The following ADNP variants were observed in gnomAD, a reference collection of about 807,000 sequenced individuals.
The protein encoded by ADNP is activity dependent neuroprotector homeobox.
In ADNP, 4 loss-of-function variants were observed where a neutral mutation model predicts 84.9. That is an observed-to-expected ratio of 0.05 (90% CI 0.02 to 0.11). The LOEUF (loss-of-function observed/expected upper bound fraction) is 0.11, where lower values mean the gene tolerates loss of function less well. ADNP is among the 10% of genes least tolerant of loss of function. ADNP has a pLI of 1.00. For missense variants in ADNP, 1,132 were observed against 1,326.0 expected, an observed-to-expected ratio of 0.85 and a Z score of 2.27; for synonymous variants, 554 against 468.1, an observed-to-expected ratio of 1.18 and a Z score of -2.37.
At chr20:50,899,510 G>A (rs553720148) in intron 5 of ADNP, among the ~76,000 whole-genome samples, 7 of 152,066 alleles carry the variant, frequency 4.6e-5, no homozygotes, top group South Asian at 2.1e-4. Context: ...GCGCCCGGCC[G>A]GTAATGAGTT....
chr20:50,907,379 TCCTC>T (rs150286734), intron 2 of ADNP, among the ~76,000 whole-genome samples: 24,665 of 148,338 alleles, frequency 0.17, 2,644 homozygotes, highest in Non-Finnish European at 0.24. Context: ...CAATTCTCCT[TCCTC>T]AACCTCCTGA....
intron 5 of ADNP, among the ~76,000 whole-genome samples, chr20:50,897,952 G>C (rs114529504): frequency 0.03 from 4,621 of 152,220 alleles, 246 homozygotes; most frequent in African/African-American, 0.11. Context: ...TGTGTGTATT[G>C]ATATGCTTGA....
Position 50,891,720 on chromosome 20 carries a change from G to C in ADNP, c.2994C>G (p.Asp998Glu). Reference protein sequence around the residue: ...TCEMKPGTWSDESSQSEDARS... With the variant: ...TCEMKPGTWSEESSQSEDARS... The stretch of plus-strand genomic sequence containing the variant: ...TTGCATCTTCGCTTTGGGAAGACTC[G>C]TCAGACCAGGTTCCTGGTTTCATTT... The change falls in exon 6 of 6, where the codon GAC becomes GAG. Residue 998 changes from aspartate (D) to glutamate (E), a missense_variant. This residue lies in a region of ADNP where 381 missense variants were observed against 319.9 expected (regional missense o/e 1.19). Coordinates refer to ENST00000621696, the MANE Select transcript of ADNP (RefSeq NM_001282531.3). 2 of 1,614,084 alleles carry C rather than the reference G, an allele frequency of 1.2e-6. No homozygotes were observed. The highest frequency in any genetic ancestry group is 1.7e-6 in the Non-Finnish European group (2 of 1,180,018).
rs184461059 is a variant in ADNP at position 50,908,572 on chromosome 20, A to G, written c.-89-3723T>C. ...GGCGAGTCACGAGGTCAGGAGATCG[A>G]GACCATCCTGGCTAACATGGTGAAA... On this transcript the variant is annotated intron_variant, in intron 2 of 5. Coordinates refer to ENST00000621696, the MANE Select transcript of ADNP (RefSeq NM_001282531.3). Among the ~76,000 whole-genome samples the G allele has an allele frequency of 3.8e-4, 58 of 152,042 alleles. No homozygotes were observed. In the East Asian group the frequency reaches 0.01, roughly 27 times the overall value.
In ADNP at chr20:50,891,433, C is replaced by A. The variant is rs780706686; in HGVS notation, c.3281G>T (p.Gly1094Val). 3.1e-6 allele frequency: 5 copies of A among 1,610,682 alleles called. No individual in the cohort carries two copies. Among genetic ancestry groups the A allele is most frequent in the Admixed American group, 1.7e-5 (1 of 59,876 alleles). Residue 1094 changes from glycine to valine, a missense_variant, in exon 6 of 6, where the codon GGA (glycine) becomes GTA (valine). Coordinates refer to ENST00000621696, the MANE Select transcript of ADNP (RefSeq NM_001282531.3). ...VAEPMHGSLA[G>V]VKLSSQQA Reference sequence around the variant, plus strand: ...GGCCTGTTGGCTGCTCAGTTTAACTCCGGCTAAGCTGCCATGCATGGGCTC... The same window carrying A: ...GGCCTGTTGGCTGCTCAGTTTAACTACGGCTAAGCTGCCATGCATGGGCTC...
At position 50,890,000 on chromosome 20, in the gene ADNP, T is replaced by C. The variant is rs2122721794; in HGVS notation, c.*1405A>G. ...CAAAAAACCCATCAGGCTATTAAGA[T>C]TCTGCTTGCAAATTAATGCCAATCC... On this transcript the variant is annotated 3_prime_UTR_variant, in exon 6 of 6. Transcript: ENST00000621696. The C allele has an allele frequency of 2.5e-6, 1 of 395,606 alleles. No individual in the cohort carries two copies. The highest frequency in any genetic ancestry group is 1.3e-4 in the South Asian group (1 of 7,558). The allele number at this position is 395,606 out of a possible 1,614,324, so 24.5% of individuals were successfully genotyped here.
rs752269547 is a variant in ADNP, at chr20:50,892,562, T to C, written c.2152A>G (p.Thr718Ala). The change falls in exon 6 of 6, where the codon ACT (threonine) becomes GCT (alanine). Residue 718 changes from threonine (T) to alanine (A), a missense_variant. By Grantham distance (58) the Thr-to-Ala change is moderately conservative (BLOSUM62 0). Coordinates refer to ENST00000621696, the MANE Select transcript of ADNP (RefSeq NM_001282531.3). The stretch of plus-strand genomic sequence containing the variant: ...AAGGGAAATTCCATTTGCTCGTAAG[T>C]GCGCTTCACAGGTGCCAGACTTGGA... Reference protein sequence around the residue: ...QSPSLAPVKRTYEQMEFPLLK... With the variant: ...QSPSLAPVKRAYEQMEFPLLK... The C allele has an allele frequency of 6.2e-7, 1 of 1,614,240 alleles. No homozygotes were observed. The highest frequency in any genetic ancestry group is 1.1e-5 in the South Asian group (1 of 91,092).
At chr20:50,899,946 G>A (rs1981802373) in intron 5 of ADNP, among the ~76,000 whole-genome samples, 1 of 150,352 alleles carries the variant, frequency 6.7e-6, no homozygotes, top group South Asian at 2.1e-4. Context: ...CAGTGTGGAA[G>A]GGGACCCGGG....
At chr20:50,930,548 G>A (rs1400917656) in intron 1 of ADNP, among the ~76,000 whole-genome samples, 1 of 152,132 alleles carries the variant, frequency 6.6e-6, no homozygotes, top group African/African-American at 2.4e-5. Context: ...GCCAGGCAGA[G>A]TGCTGGCCTC....
chr20:50,919,953 C>T (rs1354540027), intron 2 of ADNP, among the ~76,000 whole-genome samples: 1 of 152,086 alleles, frequency 6.6e-6, no homozygotes, highest in Admixed American at 6.6e-5. Context: ...TAACGAAGTA[C>T]AGAAGGGACA....
At chr20:50,903,759 G>A (rs1047380426) in intron 4 of ADNP, 130 bp downstream of exon 4, 14 of 680,644 alleles carry the variant, frequency 2.1e-5, no homozygotes, top group East Asian at 1.4e-4. Flanking sequence ...TATTGAGAAT[G>A]TTTTCGTGAA....
chr20:50,928,307 C>G (rs963101244), intron 2 of ADNP, among the ~76,000 whole-genome samples: 3 of 152,168 alleles, frequency 2.0e-5, no homozygotes, highest in Non-Finnish European at 4.4e-5. Flanking sequence ...TCATGGAAAA[C>G]CATGTTTTCA....
intron 1 of ADNP, among the ~76,000 whole-genome samples, chr20:50,929,913 T>G (rs1184889252): frequency 6.6e-6 from 1 of 151,988 alleles, no homozygotes; most frequent in Non-Finnish European, 1.5e-5. Flanking sequence ...TTCAAGAAGA[T>G]TAAGAAGACT....
At chr20:50,930,033 T>C (rs1346709912) in intron 1 of ADNP, among the ~76,000 whole-genome samples, 1 of 150,664 alleles carries the variant, frequency 6.6e-6, no homozygotes, top group Admixed American at 6.6e-5. Flanking sequence ...CAGACAGGGA[T>C]CAAGGTTGGG....
At chr20:50,920,950 TAGAC>T (rs1012965940) in intron 2 of ADNP, among the ~76,000 whole-genome samples, 3 of 152,192 alleles carry the variant, frequency 2.0e-5, no homozygotes, top group Non-Finnish European at 1.5e-5. Context: ...ACCCTACAGT[TAGAC>T]AGATCTGTAT....
intron 2 of ADNP, among the ~76,000 whole-genome samples, chr20:50,926,542 T>C (rs1273121249): frequency 6.6e-6 from 1 of 152,224 alleles, no homozygotes; most frequent in Non-Finnish European, 1.5e-5. Context: ...GGTATTTTTT[T>C]ACTACACTTA....
At chr20:50,929,428 T>C (rs1266536905) in intron 1 of ADNP, among the ~76,000 whole-genome samples, 1 of 152,264 alleles carries the variant, frequency 6.6e-6, no homozygotes, top group Admixed American at 6.5e-5. Context: ...TCCTTCGCCA[T>C]GTTGCTGTCA....
At chr20:50,905,748 A>T (rs1982415554) in intron 2 of ADNP, among the ~76,000 whole-genome samples, 1 of 152,234 alleles carries the variant, frequency 6.6e-6, no homozygotes, top group Non-Finnish European at 1.5e-5. Flanking sequence ...TCTCTCTGCT[A>T]TGCTAATAAT....
chr20:50,910,997 T>C (rs1982972929), intron 2 of ADNP, among the ~76,000 whole-genome samples: 1 of 152,180 alleles, frequency 6.6e-6, no homozygotes, highest in Admixed American at 6.5e-5. Flanking sequence ...GAACTAGCCA[T>C]ACTCATTCCT....
Sources: gnomAD v4.1 joint callset for allele counts (sites outside exome capture counted in the v4.1 genomes callset) on GRCh38, gnomAD v4.1.1 for gene constraint, gnomAD v4.1.1 regional missense constraint, MANE v1.5 for transcripts, NCBI Gene and HGNC (gene_info 2026-07-23, HGNC 2026-07-21) for gene names.